TMEM67: variants seen among roughly 807,000 people sequenced by gnomAD.
The protein encoded by TMEM67 is transmembrane protein 67.
A neutral mutation model predicts 136.6 loss-of-function variants in TMEM67; 124 were observed. The observed-to-expected ratio is 0.91, with a 90% CI of 0.78 to 1.05. The LOEUF (loss-of-function observed/expected upper bound fraction) is 1.05. Among genes scored for constraint, TMEM67 ranks in the 50% least tolerant of loss-of-function variants. The pLI is 0.00. For synonymous variants in TMEM67, 364 were observed against 390.5 expected, an observed-to-expected ratio of 0.93 and a Z score of 0.80; for missense variants, 1,107 against 1,178.4, an observed-to-expected ratio of 0.94 and a Z score of 0.89.
chr8:93,788,537 G>C (rs1814226005), intron 14 of TMEM67, among the ~76,000 whole-genome samples: 1 of 152,126 alleles, frequency 6.6e-6, no homozygotes, highest in South Asian at 2.1e-4. Context: ...ACTCCAGCCT[G>C]GGCGAAAGAG....
At chr8:93,813,177 T>C (rs1372836572) in intron 26 of TMEM67, among the ~76,000 whole-genome samples, 1 of 152,104 alleles carries the variant, frequency 6.6e-6, no homozygotes, top group Non-Finnish European at 1.5e-5. Flanking sequence ...TTCTTCCATT[T>C]CTCTATCTGC....
chr8:93,826,023 A>G, the TMEM67 span, among the ~76,000 whole-genome samples: 1 of 152,154 alleles, frequency 6.6e-6, no homozygotes, highest in Non-Finnish European at 1.5e-5. Flanking sequence ...ACCGGATCAT[A>G]ATAGACTCAT....
In TMEM67 at chr8:93,785,280, T is replaced by C. The variant is rs1814042197; in HGVS notation, c.1190T>C (p.Val397Ala). ...TTTCCCACTCCTATATTTTATGATG[T>C]GTACCTTGAATATACTGATGAAAAT... ...IDFPTPIFYD[V>A]YLEYTDENQH... The change falls in exon 12 of 28, where the codon GTG becomes GCG. Residue 397 changes from valine to alanine, a missense_variant. Physicochemically the swap from Val to Ala is moderately conservative, Grantham distance 64. Coordinates refer to ENST00000453321, the MANE Select transcript of TMEM67 (RefSeq NM_153704.6). 1.2e-6 allele frequency: 2 copies of C among 1,603,622 alleles called. No individual in the cohort carries two copies. The highest frequency in any genetic ancestry group is 1.7e-6 in the Non-Finnish European group (2 of 1,171,030).
At chr8:93,798,876 A>G (rs1814739342) in intron 20 of TMEM67, among the ~76,000 whole-genome samples, 1 of 151,542 alleles carries the variant, frequency 6.6e-6, no homozygotes, top group Admixed American at 6.6e-5. Flanking sequence ...ATATGTATTC[A>G]TTGTGGAATG....
intron 27 of TMEM67, among the ~76,000 whole-genome samples, chr8:93,816,088 C>G (rs1410892955): frequency 6.6e-6 from 1 of 152,124 alleles, no homozygotes; most frequent in East Asian, 1.9e-4. Context: ...TAGTTTTAGA[C>G]TTAGAAGAAA....
Position 93,816,693 on chromosome 8 carries a change from G to A in TMEM67, c.*241G>A. ...AATAATAAATTAATACTGACAGTGA[G>A]GCCAAAAAAAATCTAAATGTTGCTT... On this transcript the variant is annotated 3_prime_UTR_variant, in exon 28 of 28. Transcript: ENST00000453321. 3.6e-6 allele frequency: 1 copy of A among 279,054 alleles called. No homozygotes were observed. The highest frequency in any genetic ancestry group is 6.7e-6 in the Non-Finnish European group (1 of 148,236). The allele number at this position is 279,054 out of a possible 1,614,324, so 17.3% of individuals were successfully genotyped here. A position where few individuals can be genotyped will look rare whatever the true frequency, so the allele number is the denominator to read the frequency against.
intron 2 of TMEM67, 60 bp from the exon 3 acceptor site, chr8:93,758,423 A>G: frequency 1.6e-6 from 2 of 1,289,622 alleles, no homozygotes; most frequent in Non-Finnish European, 2.2e-6. Flanking sequence ...TTGAACTTAC[A>G]TGATTAGAAG....
chr8:93,825,757 T>G, the TMEM67 span, among the ~76,000 whole-genome samples: 2 of 152,218 alleles, frequency 1.3e-5, no homozygotes, highest in African/African-American at 4.8e-5. Flanking sequence ...ATGAGTGGCT[T>G]CGTGACATTT....
intron 21 of TMEM67, among the ~76,000 whole-genome samples, chr8:93,802,502 C>T (rs533380233): frequency 6.6e-6 from 1 of 152,286 alleles, no homozygotes; most frequent in South Asian, 2.1e-4. Flanking sequence ...TCTCACTTTG[C>T]CATTAGCTGG....
At chr8:93,805,729 A>C (rs1009559006) in intron 23 of TMEM67, among the ~76,000 whole-genome samples, 2 of 152,212 alleles carry the variant, frequency 1.3e-5, no homozygotes, top group African/African-American at 4.8e-5. Context: ...GTTCCTCCTT[A>C]TAGAAGAAAG....
intron 7 of TMEM67, 47 bp downstream of exon 7, chr8:93,772,698 A>T: frequency 2.1e-6 from 3 of 1,421,128 alleles, no homozygotes; most frequent in Non-Finnish European, 2.0e-6. Context: ...TTGAAGAATT[A>T]TACCATTTAT....
chr8:93,815,520 TA>T, intron 27 of TMEM67, 73 bp downstream of exon 27: 1 of 1,356,310 alleles, frequency 7.4e-7, no homozygotes, highest in East Asian at 2.3e-5. Context: ...GATATTTTCA[TA>T]GCAGAGAGTA....
intron 10 of TMEM67, 134 bp from the exon 11 acceptor site, chr8:93,782,261 C>T (rs1305548201): frequency 8.5e-6 from 6 of 706,552 alleles, no homozygotes; most frequent in East Asian, 2.8e-5. Flanking sequence ...ACAGATGTTC[C>T]CTTAACTTTT....
chr8:93,795,510 G>T lies in TMEM67; in HGVS notation c.1773+3G>T. On this transcript the variant is annotated splice_donor_region_variant and intron_variant, in intron 17 of 27. Coordinates refer to ENST00000453321, the MANE Select transcript of TMEM67 (RefSeq NM_153704.6). ...TTTACTGGCTTATTTTCTTCAAAGT[G>T]AGTGAGTTTCTGAATTTTCCCCAAC... is the stretch of plus-strand genomic sequence containing the variant. 6.2e-7 allele frequency: 1 copy of T among 1,610,888 alleles called. No homozygotes were observed. Among genetic ancestry groups the T allele is most frequent in the South Asian group, 1.1e-5 (1 of 90,996 alleles).
At chr8:93,821,443 G>A (rs1010296531), downstream of TMEM67, among the ~76,000 whole-genome samples, 2 of 152,022 alleles carry the variant, frequency 1.3e-5, no homozygotes, top group African/African-American at 4.8e-5. Context: ...CTCCATGCTT[G>A]GATAATTTTA....
Position 93,797,219 on chromosome 8 carries a change from T to C in TMEM67, c.1946T>C (p.Leu649Pro). The change falls in exon 19 of 28, where the codon CTT becomes CCT. Residue 649 changes from leucine to proline, a missense_variant. Leu to Pro is a moderately conservative substitution (Grantham distance 98). This residue lies in a region of TMEM67 where 925 missense variants were observed against 1,002.4 expected (regional missense o/e 0.92). Transcript: ENST00000453321. Reference sequence around the variant, plus strand: ...TGGGAGCGACCTAAAGGAAAGGTTCTTAAAGCTGTTGAAGGTAACTGAAAT... The same window carrying C: ...TGGGAGCGACCTAAAGGAAAGGTTCCTAAAGCTGTTGAAGGTAACTGAAAT... Reference protein sequence around the residue: ...IDWERPKGKVLKAVEGEGGVR... With the variant: ...IDWERPKGKVPKAVEGEGGVR... 3 of 1,612,958 alleles carry C rather than the reference T, an allele frequency of 1.9e-6. No homozygotes were observed. Among genetic ancestry groups the C allele is most frequent in the Non-Finnish European group, 2.5e-6 (3 of 1,178,910 alleles).
chr8:93,828,321 CCAT>C, the TMEM67 span, among the ~76,000 whole-genome samples: 1 of 152,106 alleles, frequency 6.6e-6, no homozygotes, highest in African/African-American at 2.4e-5. Flanking sequence ...ACCATCACCA[CCAT>C]CATCATCATC....
chr8:93,821,700 A>T (rs1809043958), downstream of TMEM67, among the ~76,000 whole-genome samples: 1 of 152,212 alleles, frequency 6.6e-6, no homozygotes, highest in Non-Finnish European at 1.5e-5. Flanking sequence ...GGAGTTCAAG[A>T]CAAGCCTGGG....
intron 22 of TMEM67, 66 bp from the exon 23 acceptor site, chr8:93,804,696 A>C: frequency 1.1e-6 from 1 of 905,994 alleles, no homozygotes; most frequent in Non-Finnish European, 1.8e-6. Flanking sequence ...AATTTTAAGG[A>C]AAACTTAATT....
Sources: gnomAD v4.1 joint callset for allele counts (sites outside exome capture counted in the v4.1 genomes callset) on GRCh38, gnomAD v4.1.1 for gene constraint, gnomAD v4.1.1 regional missense constraint, MANE v1.5 for transcripts, NCBI Gene and HGNC (gene_info 2026-07-23, HGNC 2026-07-21) for gene names.